Variants in WDR73 observed in about 807,000 individuals in gnomAD.
WDR73 encodes the protein integrator complex assembly factor WDR73.
Under a neutral mutation model 38.2 loss-of-function variants are expected in WDR73, and 30 were observed. The observed-to-expected ratio is 0.79, with a 90% CI of 0.59 to 1.06. The LOEUF is 1.06. Ranked by LOEUF, WDR73 falls within the 50% of genes least tolerant of loss-of-function variation. The pLI is 0.00. For missense variants in WDR73, 487 were observed against 467.0 expected (o/e 1.04, Z -0.40); for synonymous variants, 197 against 176.0 (o/e 1.12, Z -0.94).
chr15:84,650,644 C>T (rs895831633), intron 3 of WDR73, among the ~76,000 whole-genome samples: 1 of 151,988 alleles, frequency 6.6e-6, no homozygotes, highest in African/African-American at 2.4e-5. Flanking sequence ...CAGGTGTGAG[C>T]CACGCGCCTG....
rs1896470123 is a variant in WDR73 at position 84,646,543 on chromosome 15, T to C, written c.353-195A>G. The C allele has an allele frequency of 3.6e-6, 3 of 833,000 alleles. No individual in the cohort carries two copies. In the African/African-American group the frequency reaches 5.1e-5, roughly 14 times the overall value. 51.6% of individuals were successfully genotyped at this position (833,000 alleles called of 1,614,324 possible). A position where few individuals can be genotyped will look rare whatever the true frequency, so the allele number is the denominator to read the frequency against. ...TGAAACCATCAGAAACATTTCAATT[T>C]CTTTATTATTTGTCTTATAAACTGT... is the stretch of plus-strand genomic sequence containing the variant. On this transcript the variant is annotated intron_variant, in intron 5 of 7. Coordinates refer to ENST00000434634, the MANE Select transcript of WDR73 (RefSeq NM_032856.5).
chr15:84,650,168 G>A (rs187880345), intron 3 of WDR73, among the ~76,000 whole-genome samples: 19 of 152,166 alleles, frequency 1.2e-4, no homozygotes, highest in African/African-American at 4.3e-4. Flanking sequence ...AACATGGTGA[G>A]GCCCTAAGAT....
chr15:84,654,148 A>T, intron 1 of WDR73, 86 bp downstream of exon 1: 1 of 1,573,652 alleles, frequency 6.4e-7, no homozygotes, highest in Non-Finnish European at 8.7e-7. Flanking sequence ...CTGCACCAGG[A>T]TCCCCAACGT....
rs1164846545 is a variant in WDR73 at position 84,640,626 on chromosome 15, T to C, written c.*2844A>G. The C allele has an allele frequency of 1.3e-5, 2 of 152,138 alleles. No homozygotes were observed. The highest frequency in any genetic ancestry group is 1.9e-4 in the East Asian group (1 of 5,192). The allele number at this position is 152,138 out of a possible 1,614,324, so 9.4% of individuals were successfully genotyped here. A position where few individuals can be genotyped will look rare whatever the true frequency, so the allele number is the denominator to read the frequency against. The stretch of plus-strand genomic sequence containing the variant: ...CAGGAGAATCACTTGAGCCCAGGAG[T>C]TGGAGGCCGCAGTGAGCTGTGATCA... On this transcript the variant is annotated 3_prime_UTR_variant, in exon 8 of 8. Transcript: ENST00000434634.
Position 84,642,405 on chromosome 15 carries a change from G to T in WDR73, c.*1065C>A, listed in dbSNP as rs1271059631. The T allele has an allele frequency of 6.6e-6, 1 of 151,754 alleles. No individual in the cohort carries two copies. The highest frequency in any genetic ancestry group is 1.5e-5 in the Non-Finnish European group (1 of 67,976). 9.4% of individuals were successfully genotyped at this position (151,754 alleles called of 1,614,324 possible). On this transcript the variant is annotated 3_prime_UTR_variant, in exon 8 of 8. Transcript: ENST00000434634. ...GAAGCCTCTCATTTATGTATTTCTA[G>T]CATGTAATTAGTGTTGCACATGGGA... is the stretch of plus-strand genomic sequence containing the variant.
At position 84,646,234 on chromosome 15, in the gene WDR73, C is replaced by T. The variant is rs751738614; in HGVS notation, c.467G>A (p.Arg156Gln). ...APGVLHGARL[R>Q]SLQVVDLESR... Reference sequence around the variant, plus strand: ...CTCCAGATCAACGACCTGCAGACTTCGGAGCCTCGCCCCATGGAGGACTCC... The same window carrying T: ...CTCCAGATCAACGACCTGCAGACTTTGGAGCCTCGCCCCATGGAGGACTCC... Residue 156 changes from arginine (R) to glutamine (Q), a missense_variant, in exon 6 of 8, where the codon CGA becomes CAA. Arg to Gln is a conservative substitution (Grantham distance 43). Transcript: ENST00000434634. The T allele has an allele frequency of 1.3e-5, 21 of 1,613,764 alleles. No individual in the cohort carries two copies. Among genetic ancestry groups the T allele is most frequent in the Admixed American group, 1.0e-4 (6 of 59,998 alleles).
chr15:84,646,255 A>T lies in WDR73; in HGVS notation c.446T>A (p.Val149Asp). 1 of 1,613,862 alleles carries T rather than the reference A, an allele frequency of 6.2e-7. No homozygotes were observed. The highest frequency in any genetic ancestry group is 8.5e-7 in the Non-Finnish European group (1 of 1,179,884). ...ACTTCGGAGCCTCGCCCCATGGAGG[A>T]CTCCGGGTGCCAATGTGGAGAAGAC... ...VAVFSTLAPG[V>D]LHGARLRSLQ... The change falls in exon 6 of 8, where the codon GTC becomes GAC. Residue 149 changes from valine to aspartate, a missense_variant. Transcript: ENST00000434634.
intron 3 of WDR73, among the ~76,000 whole-genome samples, chr15:84,652,318 AG>A (rs1312308908): frequency 2.0e-5 from 3 of 151,700 alleles, no homozygotes; most frequent in African/African-American, 7.3e-5. Context: ...TTCTTTGGGG[AG>A]GGGGGGTGCA....
Position 84,653,374 on chromosome 15 carries a change from T to C in WDR73, c.109+258A>G, listed in dbSNP as rs191124526. On this transcript the variant is annotated intron_variant, in intron 2 of 7. Coordinates refer to ENST00000434634, the MANE Select transcript of WDR73 (RefSeq NM_032856.5). The stretch of plus-strand genomic sequence containing the variant: ...CAGTAGAGACGGGGTTTCACCATGT[T>C]GGCCAGACTGGTCTCGAACTCCTGA... 1,575 of 379,896 alleles carry C rather than the reference T, an allele frequency of 4.1e-3. 12 individuals are homozygous for C. Among genetic ancestry groups the C allele is most frequent in the Middle Eastern group, 7.5e-3 (9 of 1,200 alleles). The allele number at this position is 379,896 out of a possible 1,614,324, so 23.5% of individuals were successfully genotyped here.
Position 84,640,703 on chromosome 15 carries a change from AAAT to A in WDR73, c.*2764_*2766del, listed in dbSNP as rs1019132041. 21 of 152,230 alleles carry A rather than the reference AAAT, an allele frequency of 1.4e-4. No homozygotes were observed. Among genetic ancestry groups the A allele is most frequent in the South Asian group, 6.2e-4 (3 of 4,834 alleles). 9.4% of individuals were successfully genotyped at this position (152,230 alleles called of 1,614,324 possible). ...AGAGTGAGACCCAGACTCAGCTGAA[AAAT>A]AATAATATTATTAAAAGAATTTAAA... On this transcript the variant is annotated 3_prime_UTR_variant, in exon 8 of 8. Coordinates refer to ENST00000434634, the MANE Select transcript of WDR73 (RefSeq NM_032856.5).
intron 6 of WDR73, 142 bp downstream of exon 6, chr15:84,646,042 T>G: frequency 6.5e-7 from 1 of 1,545,698 alleles, no homozygotes; most frequent in Non-Finnish European, 8.7e-7. Flanking sequence ...TAGGAGCCCT[T>G]AGAGGCCAGG....
Position 84,641,377 on chromosome 15 carries a change from G to A in WDR73, c.*2093C>T, listed in dbSNP as rs1167345185. On this transcript the variant is annotated 3_prime_UTR_variant, in exon 8 of 8. Transcript: ENST00000434634. ...GGGAACCAGGCACTCAGTGCACCCA[G>A]TTTACTATTCTGTGGTGTGGAAAGC... 1.3e-5 allele frequency: 2 copies of A among 152,234 alleles called. No homozygotes were observed. Among genetic ancestry groups the A allele is most frequent in the Non-Finnish European group, 2.9e-5 (2 of 68,066 alleles). The allele number at this position is 152,234 out of a possible 1,614,324, so 9.4% of individuals were successfully genotyped here.
chr15:84,647,991 G>A (rs1208022744), intron 4 of WDR73, 37 bp from the exon 5 acceptor site: 3 of 1,597,118 alleles, frequency 1.9e-6, no homozygotes, highest in Admixed American at 1.7e-5. Context: ...AGACCATGGG[G>A]AGCTTATCCA....
rs1445654397 is a variant in WDR73 at position 84,640,840 on chromosome 15, T to G, written c.*2630A>C. ...TCTTTAAATACCCTTAGCCTCCATT[T>G]TCTCATCTGGACAGTGGACATTGTG... On this transcript the variant is annotated 3_prime_UTR_variant, in exon 8 of 8. Transcript: ENST00000434634. The G allele has an allele frequency of 6.6e-6, 1 of 152,256 alleles. No individual in the cohort carries two copies. The highest frequency in any genetic ancestry group is 1.9e-4 in the East Asian group (1 of 5,208). 9.4% of individuals were successfully genotyped at this position (152,256 alleles called of 1,614,324 possible).
intron 3 of WDR73, among the ~76,000 whole-genome samples, chr15:84,650,650 G>A (rs950079643): frequency 2.2e-4 from 34 of 151,888 alleles, no homozygotes; most frequent in African/African-American, 6.5e-4. Context: ...TGAGCCACGC[G>A]CCTGGCCAAA....
chr15:84,653,647 A>C lies in WDR73; in HGVS notation c.94T>G (p.Trp32Gly). The change falls in exon 2 of 8, where the codon TGG becomes GGG. Residue 32 changes from tryptophan (W) to glycine (G), a missense_variant. Transcript: ENST00000434634. The part of the protein sequence containing the change: ...DLSGATRVLE[W>G]IDDKGVFVAG... Reference sequence around the variant, plus strand: ...GGTATACCACCTTTGTCATCAATCCATTCAAGGACTCGAGTGGCTCCTGAC... The same window carrying C: ...GGTATACCACCTTTGTCATCAATCCCTTCAAGGACTCGAGTGGCTCCTGAC... The C allele has an allele frequency of 6.3e-7, 1 of 1,593,398 alleles. No individual in the cohort carries two copies. Among genetic ancestry groups the C allele is most frequent in the South Asian group, 1.1e-5 (1 of 87,514 alleles).
chr15:84,647,829 CA>C (rs375803936), intron 5 of WDR73, 60 bp downstream of exon 5: 12 of 1,512,374 alleles, frequency 7.9e-6, no homozygotes, highest in African/African-American at 6.9e-5. Flanking sequence ...GATTAGGGGA[CA>C]GGGGTGTATG....
intron 5 of WDR73, chr15:84,647,331 C>G (rs1483805204): frequency 6.4e-6 from 1 of 156,804 alleles, no homozygotes; most frequent in East Asian, 1.9e-4. Flanking sequence ...AGCCTAAGCT[C>G]TGCTGTTGCC....
At chr15:84,653,043 A>G in intron 2 of WDR73, 1 of 383,110 alleles carries the variant, frequency 2.6e-6, no homozygotes, top group Non-Finnish European at 4.7e-6. Context: ...CACAGCCTTC[A>G]GAGTAGCTGG....
Sources: allele counts gnomAD v4.1 joint callset (sites outside exome capture counted in the v4.1 genomes callset), GRCh38; gene constraint gnomAD v4.1.1; transcripts MANE v1.5; gene names NCBI Gene and HGNC (gene_info 2026-07-23, HGNC 2026-07-21).